Variants in SLC39A8 observed in about 807,000 individuals in gnomAD.
The protein encoded by SLC39A8 is solute carrier family 39 member 8.
A neutral mutation model predicts 40.4 loss-of-function variants in SLC39A8; 15 were observed. The ratio of observed to expected loss-of-function variants is 0.37; its 90% confidence interval spans 0.25 to 0.57. The LOEUF is 0.57. SLC39A8 is among the 20% of genes least tolerant of loss of function. The probability of loss-of-function intolerance (pLI) is 0.75; values close to 1 mark genes in which losing one functional copy is unlikely to be tolerated. For missense variants in SLC39A8, 472 were observed against 558.8 expected (o/e 0.84, Z 1.57); for synonymous variants, 223 against 221.6 (o/e 1.01, Z -0.06).
intron 2 of SLC39A8, among the ~76,000 whole-genome samples, chr4:102,328,216 C>G (rs1411392520): frequency 1.3e-5 from 2 of 152,192 alleles, no homozygotes; most frequent in African/African-American, 2.4e-5. Flanking sequence ...ACCTCTCAGT[C>G]ATTCCTCAAC....
intron 6 of SLC39A8, among the ~76,000 whole-genome samples, chr4:102,277,231 T>C (rs191809182): frequency 9.5e-4 from 145 of 152,206 alleles, no homozygotes; most frequent in Admixed American, 1.7e-3. Context: ...ATTATATATT[T>C]AGAAAACCCC....
intron 2 of SLC39A8, among the ~76,000 whole-genome samples, chr4:102,332,836 TA>T (rs1452670350): frequency 2.0e-5 from 3 of 152,170 alleles, no homozygotes; most frequent in South Asian, 2.1e-4. Flanking sequence ...CATGCAGCCA[TA>T]AAAAAAGGAT....
intron 8 of SLC39A8, among the ~76,000 whole-genome samples, chr4:102,264,239 A>G (rs1252877856): frequency 6.6e-6 from 1 of 152,240 alleles, no homozygotes; most frequent in Admixed American, 6.5e-5. Context: ...GGACTGATCC[A>G]TGGACTGCGG....
intron 6 of SLC39A8, among the ~76,000 whole-genome samples, chr4:102,294,535 C>T (rs11737763): frequency 0.3 from 46,292 of 151,826 alleles, 7,524 homozygotes; most frequent in East Asian, 0.41. Context: ...GTAGGAATCC[C>T]CCTACCCTTG....
chr4:102,290,876 T>C (rs1196442875), intron 6 of SLC39A8, among the ~76,000 whole-genome samples: 1 of 152,066 alleles, frequency 6.6e-6, no homozygotes, highest in African/African-American at 2.4e-5. Context: ...ACAAACACTT[T>C]CTCCACCTTC....
At chr4:102,306,588 T>C (rs1478503907) in intron 4 of SLC39A8, among the ~76,000 whole-genome samples, 1 of 152,116 alleles carries the variant, frequency 6.6e-6, no homozygotes, top group East Asian at 1.9e-4. Flanking sequence ...AGGGTGGTAC[T>C]CCCTGAAATA....
Position 102,304,978 on chromosome 4 carries a change from A to T in SLC39A8, c.675+11T>A. On this transcript the variant is annotated intron_variant, in intron 5 of 8. Transcript: ENST00000356736. ...GTAAAATATTGGATGTTTTAAATAA[A>T]GTCCATTTACCTGACCATATGTCTT... 1 of 1,587,022 alleles carries T rather than the reference A, an allele frequency of 6.3e-7. No individual in the cohort carries two copies. The highest frequency in any genetic ancestry group is 8.6e-7 in the Non-Finnish European group (1 of 1,164,764).
chr4:102,267,396 C>T (rs1217308061), intron 8 of SLC39A8, 94 bp downstream of exon 8: 11 of 1,173,082 alleles, frequency 9.4e-6, no homozygotes, highest in African/African-American at 4.7e-5. Flanking sequence ...TTCCACACTG[C>T]GGAAAGCAGA....
At chr4:102,316,976 G>A (rs547185900) in intron 2 of SLC39A8, among the ~76,000 whole-genome samples, 32 of 152,276 alleles carry the variant, frequency 2.1e-4, no homozygotes, top group African/African-American at 7.5e-4. Flanking sequence ...GTGACCCAAG[G>A]AGAGAGCCCT....
chr4:102,259,538 G>A (rs1454894109), downstream of SLC39A8: 1 of 1,478,294 alleles, frequency 6.8e-7, no homozygotes, highest in Non-Finnish European at 9.2e-7. Flanking sequence ...ATAACAAACT[G>A]GTATTATGGG....
At chr4:102,267,730 A>G (rs1732166690) in intron 7 of SLC39A8, 56 bp from the exon 8 acceptor site, 1 of 1,541,684 alleles carries the variant, frequency 6.5e-7, no homozygotes, top group Non-Finnish European at 8.7e-7. Flanking sequence ...TTTCTGGATG[A>G]TATCAAAGAT....
chr4:102,333,094 C>G (rs180739089), intron 2 of SLC39A8, among the ~76,000 whole-genome samples: 8 of 152,184 alleles, frequency 5.3e-5, no homozygotes, highest in African/African-American at 1.7e-4. Flanking sequence ...CAGTAAACCA[C>G]CATGTCACGC....
At chr4:102,317,844 T>C (rs1305157420) in intron 2 of SLC39A8, among the ~76,000 whole-genome samples, 3 of 152,316 alleles carry the variant, frequency 2.0e-5, no homozygotes, top group South Asian at 2.1e-4. Context: ...TAATACCTGA[T>C]GACTGTTAAG....
intron 2 of SLC39A8, among the ~76,000 whole-genome samples, chr4:102,321,734 G>A (rs1227445431): frequency 6.6e-6 from 1 of 152,182 alleles, no homozygotes; most frequent in Non-Finnish European, 1.5e-5. Context: ...AAGTTGCAAT[G>A]CTCCTGGGAC....
chr4:102,344,470 C>T lies in SLC39A8; in HGVS notation c.193G>A (p.Glu65Lys). The change falls in exon 2 of 9, where the codon GAG becomes AAG. Residue 65 changes from glutamate (E) to lysine (K), a missense_variant. Physicochemically the swap from Glu to Lys is moderately conservative, Grantham distance 56 (BLOSUM62 1). Around this residue, in one of 4 missense-constraint regions of SLC39A8, gnomAD observed 175 missense variants for 160.5 expected, o/e 1.09. Transcript: ENST00000356736. ...TGGTTGAAGTGCAGCTGGCCAGGCT[C>T]CGGGACGCCCACGCGGGAGGCGGCT... ...MGAASRVGVPEPGQLHFNQCL... is the reference protein window; with the variant it reads ...MGAASRVGVPKPGQLHFNQCL... 1.9e-6 allele frequency: 3 copies of T among 1,545,904 alleles called. No homozygotes were observed. Among genetic ancestry groups the T allele is most frequent in the Non-Finnish European group, 2.6e-6 (3 of 1,145,330 alleles).
At chr4:102,310,526 C>T (rs1313189820) in intron 3 of SLC39A8, among the ~76,000 whole-genome samples, 1 of 152,128 alleles carries the variant, frequency 6.6e-6, no homozygotes, top group Non-Finnish European at 1.5e-5. Context: ...AAAAGAAATA[C>T]CAATCGATCT....
At chr4:102,277,513 T>A (rs1008784219) in intron 6 of SLC39A8, among the ~76,000 whole-genome samples, 2 of 152,132 alleles carry the variant, frequency 1.3e-5, no homozygotes, top group African/African-American at 4.8e-5. Context: ...TGAAAAACAT[T>A]CCATGCTCAT....
intron 2 of SLC39A8, among the ~76,000 whole-genome samples, chr4:102,342,925 A>C (rs191959816): frequency 1.2e-4 from 18 of 152,264 alleles, no homozygotes; most frequent in Admixed American, 1.0e-3. Context: ...TCAATCCTCT[A>C]AACTTCTTTC....
intron 6 of SLC39A8, among the ~76,000 whole-genome samples, chr4:102,298,397 TTGGCTA>T (rs1733767768): frequency 6.6e-6 from 1 of 152,070 alleles, no homozygotes; most frequent in Non-Finnish European, 1.5e-5. Flanking sequence ...CTCCTCATGA[TTGGCTA>T]TATCATCTGC....
Sources: allele counts gnomAD v4.1 joint callset (sites outside exome capture counted in the v4.1 genomes callset), GRCh38; gene constraint gnomAD v4.1.1; regional missense constraint gnomAD v4.1.1; transcripts MANE v1.5; gene names NCBI Gene and HGNC (gene_info 2026-07-23, HGNC 2026-07-21).